Variants in CARMIL1 observed in about 807,000 individuals in gnomAD.
The protein encoded by CARMIL1 is capping protein regulator and myosin 1 linker 1.
CARMIL1 carries 90 observed loss-of-function variants against 177.1 expected under a neutral mutation model. That is an observed-to-expected ratio of 0.51 (90% CI 0.43 to 0.61). CARMIL1 has a LOEUF of 0.61. Ranked by LOEUF, CARMIL1 falls within the 20% of genes least tolerant of loss-of-function variation. The pLI, the probability that CARMIL1 is intolerant of heterozygous loss-of-function variation, is 0.00. For missense variants in CARMIL1, 1,380 were observed against 1,667.0 expected (o/e 0.83, Z 3.00); for synonymous variants, 577 against 606.2 (o/e 0.95, Z 0.71).
intron 2 of CARMIL1, among the ~76,000 whole-genome samples, chr6:25,285,803 G>GTT (rs34610995): frequency 6.7e-6 from 1 of 148,646 alleles, no homozygotes; most frequent in African/African-American, 2.5e-5. Context: ...TGTTGTTGCT[G>GTT]TTTTTTTTTT....
At chr6:25,291,509 A>G (rs899787855) in intron 2 of CARMIL1, among the ~76,000 whole-genome samples, 2 of 152,190 alleles carry the variant, frequency 1.3e-5, no homozygotes, top group South Asian at 2.1e-4. Context: ...GCCAGTCTCT[A>G]GTACCTAACT....
At chr6:25,570,872 G>A (rs1250013329) in intron 29 of CARMIL1, among the ~76,000 whole-genome samples, 1 of 152,172 alleles carries the variant, frequency 6.6e-6, no homozygotes, top group Non-Finnish European at 1.5e-5. Context: ...CTTTCTCAGA[G>A]TTATAACTTC....
chr6:25,280,054 G>T (rs937970281), intron 1 of CARMIL1, among the ~76,000 whole-genome samples: 1 of 152,184 alleles, frequency 6.6e-6, no homozygotes, highest in Non-Finnish European at 1.5e-5. Flanking sequence ...GAGGAATCGG[G>T]AGTCCTCGGG....
At chr6:25,530,252 C>G (rs1807610676) in intron 24 of CARMIL1, among the ~76,000 whole-genome samples, 1 of 151,970 alleles carries the variant, frequency 6.6e-6, no homozygotes, top group African/African-American at 2.4e-5. Context: ...GACACTGTGG[C>G]TCACGCCTGC....
intron 29 of CARMIL1, chr6:25,563,765 C>T: frequency 1.0e-6 from 1 of 985,372 alleles, no homozygotes; most frequent in Non-Finnish European, 1.2e-6. Context: ...GAAGAAGTGG[C>T]AAGGTAGTTT....
chr6:25,311,544 G>A (rs1271204700), intron 2 of CARMIL1, among the ~76,000 whole-genome samples: 2 of 152,050 alleles, frequency 1.3e-5, no homozygotes, highest in East Asian at 3.9e-4. Context: ...ATAGAGCGGG[G>A]GAAAAAAAGA....
intron 2 of CARMIL1, among the ~76,000 whole-genome samples, chr6:25,333,612 A>C (rs900308148): frequency 6.6e-6 from 1 of 152,144 alleles, no homozygotes; most frequent in Non-Finnish European, 1.5e-5. Flanking sequence ...AGGATTAGTA[A>C]ACAGTGTTCC....
chr6:25,608,560 G>T (rs1816207974), intron 35 of CARMIL1, among the ~76,000 whole-genome samples: 1 of 152,096 alleles, frequency 6.6e-6, no homozygotes, highest in Non-Finnish European at 1.5e-5. Flanking sequence ...GTTTTATTTT[G>T]TTTATTTACT....
At chr6:25,608,525 A>C (rs942667940) in intron 35 of CARMIL1, among the ~76,000 whole-genome samples, 2 of 152,222 alleles carry the variant, frequency 1.3e-5, no homozygotes, top group African/African-American at 4.8e-5. Flanking sequence ...AAACTAGCTG[A>C]ATTCCCAATA....
chr6:25,436,196 G>A (rs962493419), intron 5 of CARMIL1, among the ~76,000 whole-genome samples: 1 of 152,142 alleles, frequency 6.6e-6, no homozygotes, highest in African/African-American at 2.4e-5. Flanking sequence ...TTTGTAGTTG[G>A]GGAGTGTGTG....
chr6:25,456,351 G>C (rs1036619647), intron 8 of CARMIL1, among the ~76,000 whole-genome samples: 4 of 152,192 alleles, frequency 2.6e-5, no homozygotes, highest in Non-Finnish European at 5.9e-5. Flanking sequence ...CAGTCCCTCT[G>C]TTGTTGCTGA....
At chr6:25,616,588 T>C (rs1408603487) in intron 36 of CARMIL1, among the ~76,000 whole-genome samples, 2 of 152,138 alleles carry the variant, frequency 1.3e-5, no homozygotes, top group Non-Finnish European at 2.9e-5. Context: ...AATGAATAAA[T>C]GCTTGCATGC....
At chr6:25,617,138 G>T (rs1052801637) in intron 36 of CARMIL1, among the ~76,000 whole-genome samples, 2 of 152,134 alleles carry the variant, frequency 1.3e-5, no homozygotes, top group African/African-American at 2.4e-5. Flanking sequence ...CTGAGTCCTG[G>T]AGAATTTGGA....
chr6:25,284,581 C>T (rs1422856858), intron 1 of CARMIL1, among the ~76,000 whole-genome samples: 2 of 152,128 alleles, frequency 1.3e-5, no homozygotes, highest in Non-Finnish European at 2.9e-5. Context: ...TGGTGGTGTG[C>T]GCCTGTAGTC....
intron 17 of CARMIL1, 80 bp downstream of exon 17, chr6:25,500,315 C>T: frequency 1.7e-6 from 2 of 1,155,770 alleles, no homozygotes; most frequent in Non-Finnish European, 2.6e-6. Flanking sequence ...AAATTTGATA[C>T]TGTGATTCCA....
chr6:25,421,707 C>T (rs1394321154), intron 3 of CARMIL1, among the ~76,000 whole-genome samples: 1 of 141,670 alleles, frequency 7.1e-6, no homozygotes, highest in African/African-American at 2.6e-5. Context: ...AAAGTGAGTT[C>T]ATGTCCTTTG....
chr6:25,609,546 A>C (rs551070303), intron 35 of CARMIL1, among the ~76,000 whole-genome samples: 1 of 152,060 alleles, frequency 6.6e-6, no homozygotes, highest in East Asian at 1.9e-4. Flanking sequence ...TCATTTGTCC[A>C]GTGCCCAAAG....
At chr6:25,504,662 C>T (rs1272924440) in intron 17 of CARMIL1, among the ~76,000 whole-genome samples, 8 of 152,170 alleles carry the variant, frequency 5.3e-5, no homozygotes, top group Admixed American at 1.3e-4. Flanking sequence ...GAAAAAACTT[C>T]GGTGTTCCTT....
intron 2 of CARMIL1, among the ~76,000 whole-genome samples, chr6:25,368,072 T>G (rs987409232): frequency 6.6e-6 from 1 of 152,194 alleles, no homozygotes; most frequent in Non-Finnish European, 1.5e-5. Context: ...ATTCAGACCT[T>G]TCCACGTCAG....
Sources: gnomAD v4.1 joint callset for allele counts (sites outside exome capture counted in the v4.1 genomes callset) on GRCh38, gnomAD v4.1.1 for gene constraint, MANE v1.5 for transcripts, NCBI Gene and HGNC (gene_info 2026-07-23, HGNC 2026-07-21) for gene names.